Variants in SLC2A9 observed in about 807,000 individuals in gnomAD.
SLC2A9 encodes the protein solute carrier family 2 member 9, also known as solute carrier family 2, facilitated glucose transporter member 9.
In SLC2A9, 39 loss-of-function variants were observed where a neutral mutation model predicts 50.6. The observed-to-expected ratio is 0.77, with a 90% CI of 0.60 to 1.01. The LOEUF is 1.01. Ranked by LOEUF, SLC2A9 falls within the 50% of genes least tolerant of loss-of-function variation. The pLI, the probability that SLC2A9 is intolerant of heterozygous loss-of-function variation, is 0.00. For synonymous variants in SLC2A9, 324 were observed against 276.9 expected (o/e 1.17, Z -1.69); for missense variants, 686 against 677.6 (o/e 1.01, Z -0.14).
chr4:9,901,436 G>A (rs1412329224), intron 8 of SLC2A9, among the ~76,000 whole-genome samples: 1 of 152,034 alleles, frequency 6.6e-6, no homozygotes, highest in Non-Finnish European at 1.5e-5. Flanking sequence ...AGGGAAAACC[G>A]GCCTCTCTCC....
At chr4:9,938,403 C>A (rs1183515559) in intron 6 of SLC2A9, among the ~76,000 whole-genome samples, 1 of 151,500 alleles carries the variant, frequency 6.6e-6, no homozygotes, top group East Asian at 1.9e-4. Flanking sequence ...TCCAGAGTAG[C>A]TGGGACTACA....
At chr4:9,880,121 G>T (rs1261340535) in intron 10 of SLC2A9, 2 of 985,266 alleles carry the variant, frequency 2.0e-6, no homozygotes, top group Non-Finnish European at 2.4e-6. Flanking sequence ...GCTCCCCTGG[G>T]GACTTGCTCT....
At chr4:9,955,970 C>T (rs1751203136) in intron 5 of SLC2A9, among the ~76,000 whole-genome samples, 1 of 149,166 alleles carries the variant, frequency 6.7e-6, no homozygotes, top group African/African-American at 2.5e-5. Context: ...CTCTGCCTCC[C>T]ATGTTCAAGC....
intron 3 of SLC2A9, among the ~76,000 whole-genome samples, chr4:9,806,613 G>A (rs1288989853): frequency 6.6e-6 from 1 of 152,150 alleles, no homozygotes; most frequent in Non-Finnish European, 1.5e-5. Context: ...CTCAGCATTT[G>A]GCTCCACTCA....
rs762091048 is a variant in SLC2A9 at position 9,980,634 on chromosome 4, C to A, written c.639G>T (p.Val213=). Residue 213 remains valine (V), a synonymous_variant, in exon 5 of 12, where the codon GTG becomes GTT. Coordinates refer to ENST00000264784, the MANE Select transcript of SLC2A9 (RefSeq NM_020041.3). ...QVTAIFICIG[V]FTGQLLGLPE... ...GCAGGCCCAGAAGCTGCCCAGTGAACACGCCAATGCAGATAAAGATGGCAG... is the reference window on the plus strand; with the variant it reads ...GCAGGCCCAGAAGCTGCCCAGTGAAAACGCCAATGCAGATAAAGATGGCAG... The A allele has an allele frequency of 6.8e-6, 11 of 1,614,096 alleles. No individual in the cohort carries two copies. The African/African-American group carries it at 1.2e-4, about 18-fold the overall frequency.
chr4:9,785,166 T>C (rs1193467856), intron 3 of SLC2A9, among the ~76,000 whole-genome samples: 1 of 152,230 alleles, frequency 6.6e-6, no homozygotes, highest in Non-Finnish European at 1.5e-5. Flanking sequence ...GATCGTCGCA[T>C]GACCTTGAGT....
intron 7 of SLC2A9, among the ~76,000 whole-genome samples, chr4:9,911,002 G>A (rs1439303067): frequency 6.6e-6 from 1 of 151,490 alleles, no homozygotes; most frequent in Non-Finnish European, 1.5e-5. Context: ...CTGTTGGGGT[G>A]TGGGGGGGCT....
At chr4:9,895,617 C>A (rs1738400636) in intron 8 of SLC2A9, among the ~76,000 whole-genome samples, 1 of 152,220 alleles carries the variant, frequency 6.6e-6, no homozygotes, top group Non-Finnish European at 1.5e-5. Context: ...TGCCCTTCCC[C>A]ACAGGGCTGG....
chr4:9,986,161 C>T (rs1280329672), intron 3 of SLC2A9, among the ~76,000 whole-genome samples: 1 of 152,268 alleles, frequency 6.6e-6, no homozygotes, highest in African/African-American at 2.4e-5. Flanking sequence ...GAGAATTTAA[C>T]ATAGGGAATT....
chr4:9,875,275 T>C (rs1029007721), intron 10 of SLC2A9, among the ~76,000 whole-genome samples: 11 of 149,240 alleles, frequency 7.4e-5, no homozygotes, highest in African/African-American at 2.2e-4. Context: ...GAAATGGCCA[T>C]AGGTTACTCT....
intron 3 of SLC2A9, among the ~76,000 whole-genome samples, chr4:9,817,477 T>G (rs892017367): frequency 6.6e-6 from 1 of 152,240 alleles, no homozygotes; most frequent in Non-Finnish European, 1.5e-5. Flanking sequence ...TGAGCACCAC[T>G]GATCCAGCCC....
chr4:9,859,194 A>G (rs1731217109), intron 10 of SLC2A9, among the ~76,000 whole-genome samples: 1 of 152,030 alleles, frequency 6.6e-6, no homozygotes, highest in Non-Finnish European at 1.5e-5. Flanking sequence ...ATTCTCCTTA[A>G]TAAACTTGTT....
rs144414795 is a variant in SLC2A9, at chr4:9,858,319, C to A, written c.1292-23311G>T. The stretch of plus-strand genomic sequence containing the variant: ...TGCTGAGGTTAATTGATGCTGTGAA[C>A]GCATTTCAACATTAGTGTCTTTGTG... On this transcript the variant is annotated intron_variant, in intron 10 of 11. Coordinates refer to ENST00000264784, the MANE Select transcript of SLC2A9 (RefSeq NM_020041.3). 2.9e-4 allele frequency among the ~76,000 whole-genome samples: 44 copies of A among 152,260 alleles called. No homozygotes were observed. In the East Asian group the frequency reaches 8.3e-3, roughly 29 times the overall value.
chr4:10,023,880 C>T (rs191642020), upstream of SLC2A9, among the ~76,000 whole-genome samples: 32 of 152,282 alleles, frequency 2.1e-4, no homozygotes, highest in African/African-American at 6.7e-4. Context: ...ACAGGGCCAT[C>T]GGCCCTGCAC....
chr4:9,932,904 A>G (rs1352452126), intron 6 of SLC2A9, among the ~76,000 whole-genome samples: 2 of 152,322 alleles, frequency 1.3e-5, no homozygotes, highest in East Asian at 1.9e-4. Context: ...TAGAGGAAGA[A>G]AGGACCTCTT....
At chr4:9,776,955 G>T (rs974824206), downstream of SLC2A9, among the ~76,000 whole-genome samples, 1 of 152,064 alleles carries the variant, frequency 6.6e-6, no homozygotes, top group African/African-American at 2.4e-5. Flanking sequence ...TATCAAATAA[G>T]CTCACTCTGC....
intron 8 of SLC2A9, among the ~76,000 whole-genome samples, chr4:9,892,655 G>GA (rs1737724511): frequency 6.6e-6 from 1 of 152,166 alleles, no homozygotes; most frequent in South Asian, 2.1e-4. Flanking sequence ...GAGATAAAGC[G>GA]AAAGAACTCA....
chr4:9,947,198 C>A (rs557249239), intron 5 of SLC2A9, among the ~76,000 whole-genome samples: 13 of 152,218 alleles, frequency 8.5e-5, no homozygotes, highest in Non-Finnish European at 1.6e-4. Context: ...TCCTCATGAG[C>A]ACTTTCCGAG....
At chr4:10,037,088 C>T (rs1320836853) in intron 1 of SLC2A9, among the ~76,000 whole-genome samples, 1 of 152,178 alleles carries the variant, frequency 6.6e-6, no homozygotes, top group East Asian at 1.9e-4. Flanking sequence ...AGCCATCTTT[C>T]TTTTTAATAG....
Sources: gnomAD v4.1 joint callset for allele counts (sites outside exome capture counted in the v4.1 genomes callset) on GRCh38, gnomAD v4.1.1 for gene constraint, MANE v1.5 for transcripts, NCBI Gene and HGNC (gene_info 2026-07-23, HGNC 2026-07-21) for gene names.